Variants in DNAH5 observed in about 807,000 individuals in gnomAD.
The protein encoded by DNAH5 is dynein axonemal heavy chain 5.
A neutral mutation model predicts 518.2 loss-of-function variants in DNAH5; 372 were observed. The observed-to-expected ratio is 0.72, with a 90% CI of 0.66 to 0.78. DNAH5 has a LOEUF of 0.78. DNAH5 is among the 30% of genes least tolerant of loss of function. DNAH5 has a pLI of 0.00. For synonymous variants in DNAH5, 2,039 were observed against 2,025.9 expected, an observed-to-expected ratio of 1.01 and a Z score of -0.17; for missense variants, 5,523 against 5,687.0, an observed-to-expected ratio of 0.97 and a Z score of 0.93.
rs555660607 is a variant in DNAH5 at position 13,913,607 on chromosome 5, G to A, written c.1536+136C>T. 5 of 1,042,216 alleles carry A rather than the reference G, an allele frequency of 4.8e-6. No homozygotes were observed. In the South Asian group the frequency reaches 8.2e-5, roughly 17 times the overall value. The allele number at this position is 1,042,216 out of a possible 1,614,324, so 64.6% of individuals were successfully genotyped here. A position where few individuals can be genotyped will look rare whatever the true frequency, so the allele number is the denominator to read the frequency against. On this transcript the variant is annotated intron_variant, in intron 11 of 78. Transcript: ENST00000265104. ...CTCAAACAAATCTAATTTCTTTATT[G>A]TTAAAAGGCCATGAGATTATTTATA...
chr5:13,787,448 G>T (rs561631945), intron 51 of DNAH5, among the ~76,000 whole-genome samples: 1 of 152,080 alleles, frequency 6.6e-6, no homozygotes. Flanking sequence ...AATGAGATTG[G>T]TTTAACACAA....
intron 27 of DNAH5, among the ~76,000 whole-genome samples, chr5:13,865,216 A>G (rs1769061924): frequency 6.6e-6 from 1 of 151,800 alleles, no homozygotes; most frequent in Non-Finnish European, 1.5e-5. Context: ...GATAGTCTCA[A>G]TCTCCTGACC....
At chr5:13,718,825 A>C (rs947537094) in intron 72 of DNAH5, 57 bp downstream of exon 72, 61 of 1,422,428 alleles carry the variant, frequency 4.3e-5, no homozygotes, top group Middle Eastern at 2.0e-4. Context: ...TAATTTTTTT[A>C]GGAAAACAAT....
intron 30 of DNAH5, among the ~76,000 whole-genome samples, chr5:13,858,999 G>A (rs912789225): frequency 6.6e-6 from 1 of 152,062 alleles, no homozygotes; most frequent in Non-Finnish European, 1.5e-5. Context: ...TTGTTTTGGA[G>A]ATTTTTTCTG....
chr5:13,837,778 C>T (rs1404240693), intron 35 of DNAH5, among the ~76,000 whole-genome samples: 4 of 141,706 alleles, frequency 2.8e-5, no homozygotes, highest in African/African-American at 1.0e-4. Context: ...TCTTGTCTCA[C>T]TGCAACCTCC....
At chr5:13,984,390 C>A (rs2152069272) in intron 1 of DNAH5, among the ~76,000 whole-genome samples, 1 of 152,320 alleles carries the variant, frequency 6.6e-6, no homozygotes, top group South Asian at 2.1e-4. Context: ...AATCCTGAGA[C>A]TTTGCTGAAG....
intron 78 of DNAH5, among the ~76,000 whole-genome samples, chr5:13,695,207 A>T (rs1741202485): frequency 6.6e-6 from 1 of 152,228 alleles, no homozygotes; most frequent in Non-Finnish European, 1.5e-5. Context: ...GTGACTAATG[A>T]CTAGGATGAT....
chr5:13,918,212 G>A (rs1776854268), intron 7 of DNAH5, among the ~76,000 whole-genome samples: 1 of 152,194 alleles, frequency 6.6e-6, no homozygotes, highest in Non-Finnish European at 1.5e-5. Flanking sequence ...GAAGCCAGCT[G>A]CTATGTTCTA....
At chr5:13,823,200 T>C (rs1488379709) in intron 40 of DNAH5, 63 bp downstream of exon 40, 8 of 1,131,080 alleles carry the variant, frequency 7.1e-6, no homozygotes, top group Non-Finnish European at 9.5e-6. Flanking sequence ...GCAGCCCCAC[T>C]TTATTCCCAT....
chr5:13,926,894 C>G (rs998239865), intron 3 of DNAH5, among the ~76,000 whole-genome samples: 4 of 152,138 alleles, frequency 2.6e-5, no homozygotes, highest in African/African-American at 9.7e-5. Flanking sequence ...CTTGATTTTT[C>G]ACTTAAAATG....
chr5:13,917,717 G>T (rs1776796796), intron 7 of DNAH5, among the ~76,000 whole-genome samples: 1 of 152,150 alleles, frequency 6.6e-6, no homozygotes, highest in South Asian at 2.1e-4. Context: ...ACTTAGAAAT[G>T]GAAAGATAAT....
At chr5:13,961,240 G>A (rs1027934251) in intron 1 of DNAH5, among the ~76,000 whole-genome samples, 1 of 152,158 alleles carries the variant, frequency 6.6e-6, no homozygotes, top group African/African-American at 2.4e-5. Context: ...CCATTTTCCA[G>A]ATGAGGAAAC....
intron 29 of DNAH5, 143 bp from the exon 30 acceptor site, chr5:13,859,748 A>G (rs763937626): frequency 4.4e-5 from 34 of 766,308 alleles, no homozygotes; most frequent in Non-Finnish European, 6.6e-5. Context: ...TGATGCAACC[A>G]AGTGATTAAT....
At chr5:13,720,928 T>G in intron 71 of DNAH5, 72 bp downstream of exon 71, 5 of 1,602,432 alleles carry the variant, frequency 3.1e-6, no homozygotes, top group Non-Finnish European at 4.3e-6. Flanking sequence ...GATTTATATT[T>G]TTCTTCTGCA....
intron 47 of DNAH5, among the ~76,000 whole-genome samples, chr5:13,799,400 T>C (rs186029709): frequency 2.0e-5 from 3 of 152,094 alleles, no homozygotes; most frequent in Admixed American, 6.6e-5. Flanking sequence ...CTAGGTGGGA[T>C]AGTCAGAGTA....
chr5:13,735,175 T>C lies in DNAH5; in HGVS notation c.11717A>G (p.Gln3906Arg). 3 of 1,614,132 alleles carry C rather than the reference T, an allele frequency of 1.9e-6. No homozygotes were observed. The highest frequency in any genetic ancestry group is 1.1e-5 in the South Asian group (1 of 91,072). The change falls in exon 68 of 79, where the codon CAG (glutamine) becomes CGG (arginine). Residue 3906 changes from glutamine (Q) to arginine (R), a missense_variant. Coordinates refer to ENST00000265104, the MANE Select transcript of DNAH5 (RefSeq NM_001369.3). ...TLLLTLKIDI[Q>R]RNRVKHEEFL... ...CTCTTCATGCTTGACTCGGTTCCTCTGGATGTCAATCTTTAGGGTAAGCAA... is the reference window on the plus strand; with the variant it reads ...CTCTTCATGCTTGACTCGGTTCCTCCGGATGTCAATCTTTAGGGTAAGCAA...
At chr5:13,839,151 A>T (rs1277858726) in intron 35 of DNAH5, among the ~76,000 whole-genome samples, 3 of 152,186 alleles carry the variant, frequency 2.0e-5, no homozygotes, top group Non-Finnish European at 4.4e-5. Flanking sequence ...TGCCTCTATA[A>T]GACTGAAGGC....
intron 31 of DNAH5, among the ~76,000 whole-genome samples, chr5:13,848,055 T>C (rs1179299036): frequency 6.6e-6 from 1 of 152,178 alleles, no homozygotes; most frequent in Non-Finnish European, 1.5e-5. Flanking sequence ...CCAAGAACTG[T>C]TTAGTGGTGC....
At chr5:13,739,888 C>A (rs2126635782) in intron 65 of DNAH5, among the ~76,000 whole-genome samples, 1 of 152,270 alleles carries the variant, frequency 6.6e-6, no homozygotes, top group African/African-American at 2.4e-5. Context: ...AACAGTATCG[C>A]TATGCTGATG....
Sources: gnomAD v4.1 joint callset for allele counts (sites outside exome capture counted in the v4.1 genomes callset) on GRCh38, gnomAD v4.1.1 for gene constraint, MANE v1.5 for transcripts, NCBI Gene and HGNC (gene_info 2026-07-23, HGNC 2026-07-21) for gene names.